DNAH8: variants seen among roughly 807,000 people sequenced by gnomAD.
DNAH8 encodes dynein axonemal heavy chain 8, also known as axonemal beta dynein heavy chain 8.
Under a neutral mutation model 562.1 loss-of-function variants are expected in DNAH8, and 382 were observed. The observed-to-expected ratio is 0.68, with a 90% CI of 0.63 to 0.74. The LOEUF is 0.74. Ranked by LOEUF, DNAH8 falls within the 30% of genes least tolerant of loss-of-function variation. The pLI, the probability that DNAH8 is intolerant of heterozygous loss-of-function variation, is 0.00. For missense variants in DNAH8, 5,203 were observed against 5,620.4 expected (o/e 0.93, Z 2.37); for synonymous variants, 1,881 against 1,919.4 (o/e 0.98, Z 0.52).
rs189366179 is a variant in DNAH8 at position 38,841,042 on chromosome 6, A to T, written c.4467-1326A>T. Among the ~76,000 whole-genome samples the T allele has an allele frequency of 7.9e-5, 12 of 152,304 alleles. No individual in the cohort carries two copies. In the East Asian group the frequency reaches 1.9e-3, roughly 24 times the overall value. ...TAATTCTAAGAATGATGAAAAATGA[A>T]TCAAGAATTGAAAAAATAGGACAAC... On this transcript the variant is annotated intron_variant, in intron 33 of 92. Transcript: ENST00000327475.
In DNAH8 at chr6:39,008,834, C is replaced by T. The variant is rs770060725; in HGVS notation, c.13235C>T (p.Ser4412Phe). 6.2e-7 allele frequency: 1 copy of T among 1,607,582 alleles called. No individual in the cohort carries two copies. Among genetic ancestry groups the T allele is most frequent in the Non-Finnish European group, 8.5e-7 (1 of 1,174,528 alleles). Residue 4412 changes from serine to phenylalanine, a missense_variant, in exon 89 of 93, where the codon TCT becomes TTT. Around this residue, in one of 6 missense-constraint regions of DNAH8, gnomAD observed 1,399 missense variants for 1,518.4 expected, o/e 0.92. Transcript: ENST00000327475. ...ADITYQSNTA[S>F]AVLETITNIQ... ...ACTAGGTATCAGAGTAACACTGCTT[C>T]TGCTGTTCTTGAAACAATTACCAAC...
intron 88 of DNAH8, among the ~76,000 whole-genome samples, chr6:38,996,475 A>G (rs752669997): frequency 7.2e-5 from 11 of 152,122 alleles, no homozygotes; most frequent in Non-Finnish European, 1.3e-4. Context: ...CCCAAACTGA[A>G]TCTCCTCCAT....
intron 88 of DNAH8, among the ~76,000 whole-genome samples, chr6:38,993,685 GT>G (rs58251879): frequency 0.41 from 61,648 of 151,842 alleles, 12,874 homozygotes; most frequent in East Asian, 0.59. Flanking sequence ...TATCTATTGT[GT>G]TGTGTCTTGC....
chr6:38,722,678 T>C, intron 1 of DNAH8, 98 bp from the exon 2 acceptor site: 1 of 1,015,944 alleles, frequency 9.8e-7, no homozygotes, highest in Non-Finnish European at 1.4e-6. Context: ...AAGGGAGAAC[T>C]TAATGATTTT....
intron 18 of DNAH8, among the ~76,000 whole-genome samples, chr6:38,787,269 T>G (rs948632947): frequency 2.0e-5 from 3 of 152,086 alleles, no homozygotes; most frequent in African/African-American, 7.2e-5. Context: ...ATACTTATCC[T>G]AGAATATTTA....
chr6:38,874,184 CTCTCTCTTTCTTTCTCTCTT>C lies in DNAH8; in HGVS notation c.7620+812_7620+831del, dbSNP rs1399840212. Among the ~76,000 whole-genome samples the C allele has an allele frequency of 6.6e-5, 7 of 106,694 alleles. 1 individual carries two copies. Among genetic ancestry groups the C allele is most frequent in the Non-Finnish European group, 1.2e-4 (6 of 51,356 alleles). 70.0% of individuals were successfully genotyped at this position (106,694 alleles called of 152,430 possible). A position where few individuals can be genotyped will look rare whatever the true frequency, so the allele number is the denominator to read the frequency against. On this transcript the variant is annotated intron_variant, in intron 52 of 92. Transcript: ENST00000327475. ...CCTCCTTCTCTCTTTCTTTCTTTCT[CTCTCTCTTTCTTTCTCTCTT>C]TCTTTCTTTCTCTCTCGCTCTCTCT...
chr6:38,857,854 C>A, intron 42 of DNAH8, 112 bp downstream of exon 42: 1 of 675,444 alleles, frequency 1.5e-6, no homozygotes, highest in Non-Finnish European at 2.5e-6. Flanking sequence ...TTTTTCATAA[C>A]TGTCCATCAA....
chr6:38,801,458 GT>G (rs1385650328), intron 21 of DNAH8, among the ~76,000 whole-genome samples: 7 of 152,196 alleles, frequency 4.6e-5, no homozygotes, highest in Non-Finnish European at 1.0e-4. Context: ...ATAAACATGT[GT>G]GTTCATTCTG....
chr6:38,773,790 C>T (rs145517877), intron 12 of DNAH8, among the ~76,000 whole-genome samples: 12 of 152,150 alleles, frequency 7.9e-5, no homozygotes, highest in Non-Finnish European at 1.0e-4. Context: ...GAGTGGGGTA[C>T]GGAAGGGGCA....
At chr6:38,876,774 A>T (rs1175386128) in intron 53 of DNAH8, among the ~76,000 whole-genome samples, 1 of 152,214 alleles carries the variant, frequency 6.6e-6, no homozygotes, top group Admixed American at 6.6e-5. Context: ...GCAAGACTAA[A>T]GAGTTACTGT....
chr6:38,838,433 C>T (rs915127078), intron 33 of DNAH8, among the ~76,000 whole-genome samples: 1 of 137,250 alleles, frequency 7.3e-6, no homozygotes. Flanking sequence ...GAGTCTCGCT[C>T]TGTTGCCCAG....
At position 38,873,017 on chromosome 6, in the gene DNAH8, T is replaced by C. The variant is rs764505999; in HGVS notation, c.7349T>C (p.Ile2450Thr). ...CTGACGTTAGCTAATGGAGATCGCA[T>C]TCCCATGGCCCCTAGTTGTAAGCTT... Reference protein sequence around the residue: ...KTLTLANGDRIPMAPSCKLLF... With the variant: ...KTLTLANGDRTPMAPSCKLLF... The change falls in exon 51 of 93, where the codon ATT becomes ACT. Residue 2450 changes from isoleucine to threonine, a missense_variant. Physicochemically the swap from Ile to Thr is moderately conservative, Grantham distance 89. Transcript: ENST00000327475. 1.2e-6 allele frequency: 2 copies of C among 1,614,166 alleles called. No homozygotes were observed. Among genetic ancestry groups the C allele is most frequent in the South Asian group, 2.2e-5 (2 of 91,078 alleles).
intron 57 of DNAH8, among the ~76,000 whole-genome samples, chr6:38,888,091 G>A (rs1779085876): frequency 2.6e-5 from 4 of 151,644 alleles, no homozygotes; most frequent in South Asian, 2.1e-4. Context: ...TGCCTGCCTC[G>A]GGCTCCCAAA....
intron 28 of DNAH8, among the ~76,000 whole-genome samples, chr6:38,824,624 T>C (rs920314974): frequency 1.1e-4 from 16 of 152,176 alleles, no homozygotes; most frequent in African/African-American, 3.9e-4. Context: ...TTTTCAGGTC[T>C]GTTATCAAGA....
rs1775439490 is a variant in DNAH8, at chr6:38,848,074, G to A, written c.5046-574G>A. Among the ~76,000 whole-genome samples, 4 of 152,212 alleles carry A rather than the reference G, an allele frequency of 2.6e-5. 1 individual carries two copies. Among genetic ancestry groups the A allele is most frequent in the Admixed American group, 2.6e-4 (4 of 15,288 alleles). ...ACTTCAAGCTTGACTCTGGCTGTGC[G>A]GTCATCTTCTCCAGGTGAACCTGGT... On this transcript the variant is annotated intron_variant, in intron 36 of 92. Coordinates refer to ENST00000327475, the MANE Select transcript of DNAH8 (RefSeq NM_001206927.2).
At chr6:39,020,293 G>A (rs1766828161) in intron 91 of DNAH8, among the ~76,000 whole-genome samples, 1 of 152,114 alleles carries the variant, frequency 6.6e-6, no homozygotes, top group Non-Finnish European at 1.5e-5. Flanking sequence ...TATTGTGCCT[G>A]TACTCTTCCC....
chr6:38,814,030 A>T (rs757573549), intron 24 of DNAH8, 24 bp from the exon 25 acceptor site: 2 of 1,495,684 alleles, frequency 1.3e-6, no homozygotes, highest in Non-Finnish European at 1.9e-6. Context: ...AAGGTTCATC[A>T]GCTAAATGTC....
Position 38,882,926 on chromosome 6 carries a change from G to C in DNAH8, c.7875G>C (p.Trp2625Cys), listed in dbSNP as rs776625731. 2 of 1,587,056 alleles carry C rather than the reference G, an allele frequency of 1.3e-6. No individual in the cohort carries two copies. The highest frequency in any genetic ancestry group is 1.8e-5 in the Admixed American group (1 of 55,088). ...YVTDYGDWEH[W>C]NKKLQPYYYP... Reference sequence around the variant, plus strand: ...ATTATATAGGTGATTGGGAGCACTGGAATAAGAAACTTCAGCCTTATTATT... The same window carrying C: ...ATTATATAGGTGATTGGGAGCACTGCAATAAGAAACTTCAGCCTTATTATT... Residue 2625 changes from tryptophan to cysteine, a missense_variant, in exon 54 of 93, where the codon TGG becomes TGC. Physicochemically the swap from Trp to Cys is radical, Grantham distance 215 (BLOSUM62 -2). This residue lies in a region of DNAH8 where 977 missense variants were observed against 1,061.8 expected (regional missense o/e 0.92). Transcript: ENST00000327475.
At chr6:38,859,264 A>T (rs1776426196) in intron 42 of DNAH8, among the ~76,000 whole-genome samples, 1 of 152,220 alleles carries the variant, frequency 6.6e-6, no homozygotes, top group Non-Finnish European at 1.5e-5. Context: ...CCTGTGTTAC[A>T]GAGCATTCCC....
Sources: gnomAD v4.1 joint callset for allele counts (sites outside exome capture counted in the v4.1 genomes callset) on GRCh38, gnomAD v4.1.1 for gene constraint, gnomAD v4.1.1 regional missense constraint, MANE v1.5 for transcripts, NCBI Gene and HGNC (gene_info 2026-07-23, HGNC 2026-07-21) for gene names.